The following GPC5 variants were observed in gnomAD, a reference collection of about 807,000 sequenced individuals.
The protein encoded by GPC5 is glypican-5.
Under a neutral mutation model 53.9 loss-of-function variants are expected in GPC5, and 47 were observed. The observed-to-expected ratio is 0.87, with a 90% CI of 0.69 to 1.11. The LOEUF (loss-of-function observed/expected upper bound fraction) is 1.11, where lower values mean the gene tolerates loss of function less well. GPC5 is among the 50% of genes most tolerant of loss of function. The pLI, the probability that GPC5 is intolerant of heterozygous loss-of-function variation, is 0.00. For synonymous variants in GPC5, 286 were observed against 263.3 expected (o/e 1.09, Z -0.84); for missense variants, 748 against 713.1 (o/e 1.05, Z -0.56).
chr13:92,847,537 C>T (rs956795970), intron 7 of GPC5, among the ~76,000 whole-genome samples: 1 of 152,056 alleles, frequency 6.6e-6, no homozygotes, highest in Admixed American at 6.5e-5. Flanking sequence ...AGCCATGTAC[C>T]TACTTCCCCT....
chr13:91,886,811 C>G (rs1354953239), intron 5 of GPC5, among the ~76,000 whole-genome samples: 1 of 152,202 alleles, frequency 6.6e-6, no homozygotes, highest in Admixed American at 6.5e-5. Context: ...TCTTCCACAG[C>G]CTTGGTCAGC....
intron 2 of GPC5, among the ~76,000 whole-genome samples, chr13:91,590,299 G>A (rs762183846): frequency 1.6e-4 from 24 of 151,332 alleles, no homozygotes; most frequent in African/African-American, 3.2e-4. Context: ...TGATTATTAC[G>A]GCTTATTTCA....
intron 5 of GPC5, among the ~76,000 whole-genome samples, chr13:91,810,445 A>G (rs1170714779): frequency 6.6e-6 from 1 of 152,040 alleles, no homozygotes; most frequent in Non-Finnish European, 1.5e-5. Context: ...ATGCAAAGAC[A>G]GTGTTCTTTC....
At chr13:91,733,880 G>C (rs990669418) in intron 4 of GPC5, among the ~76,000 whole-genome samples, 20 of 152,166 alleles carry the variant, frequency 1.3e-4, no homozygotes, top group Non-Finnish European at 2.8e-4. Flanking sequence ...TAAGAGTGTT[G>C]AGAAGGGGCA....
At chr13:92,258,985 G>T (rs746096024) in intron 7 of GPC5, among the ~76,000 whole-genome samples, 1 of 152,110 alleles carries the variant, frequency 6.6e-6, no homozygotes, top group African/African-American at 2.4e-5. Context: ...TAAAATTTAC[G>T]TCTTGTGAGA....
intron 7 of GPC5, among the ~76,000 whole-genome samples, chr13:92,780,465 G>T (rs916813301): frequency 1.3e-5 from 2 of 151,540 alleles, no homozygotes; most frequent in East Asian, 1.9e-4. Flanking sequence ...TCTCATTAAA[G>T]TTCTCTCCCC....
At chr13:92,666,337 G>C (rs138172051) in intron 7 of GPC5, among the ~76,000 whole-genome samples, 191 of 152,186 alleles carry the variant, frequency 1.3e-3, no homozygotes, top group African/African-American at 4.4e-3. Context: ...AACATTTGCT[G>C]AATTCAAGAT....
chr13:92,462,422 G>A lies in GPC5; in HGVS notation c.1561+317433G>A, dbSNP rs553736982. ...TGAGATATGAAAGAAGCATCCAGGT[G>A]AGTCCCACGTTTTGGCTTGAGTGAC... On this transcript the variant is annotated intron_variant, in intron 7 of 7. Transcript: ENST00000377067. Among the ~76,000 whole-genome samples the A allele has an allele frequency of 9.7e-4, 148 of 152,276 alleles. 1 individual carries two copies. The highest frequency in any genetic ancestry group is 1.7e-3 in the Non-Finnish European group (113 of 68,008).
At chr13:92,395,008 T>G (rs1243489802) in intron 7 of GPC5, among the ~76,000 whole-genome samples, 2 of 152,182 alleles carry the variant, frequency 1.3e-5, no homozygotes, top group Non-Finnish European at 2.9e-5. Flanking sequence ...TCAGAGTCTT[T>G]ATAGTTAAAG....
intron 2 of GPC5, among the ~76,000 whole-genome samples, chr13:91,610,021 T>G (rs2033500906): frequency 6.6e-6 from 1 of 152,198 alleles, no homozygotes; most frequent in Admixed American, 6.5e-5. Flanking sequence ...CAACTATTTA[T>G]TTGGTACTTT....
chr13:91,895,018 G>A (rs1194313807), intron 5 of GPC5, among the ~76,000 whole-genome samples: 2 of 149,286 alleles, frequency 1.3e-5, no homozygotes, highest in Non-Finnish European at 3.0e-5. Flanking sequence ...ATGTTTTATC[G>A]AAGCTGGCCT....
intron 7 of GPC5, among the ~76,000 whole-genome samples, chr13:92,813,113 T>A (rs1877353131): frequency 6.6e-6 from 1 of 151,906 alleles, no homozygotes; most frequent in Non-Finnish European, 1.5e-5. Context: ...TTTTAAATAA[T>A]CCTTACCATG....
intron 7 of GPC5, among the ~76,000 whole-genome samples, chr13:92,664,788 T>A (rs34521935): frequency 0.22 from 33,891 of 152,046 alleles, 4,769 homozygotes; most frequent in South Asian, 0.39. Flanking sequence ...CAGATTAAAA[T>A]GCTCACTTCC....
intron 7 of GPC5, among the ~76,000 whole-genome samples, chr13:92,424,494 T>A (rs1166180045): frequency 6.6e-6 from 1 of 152,086 alleles, no homozygotes; most frequent in Non-Finnish European, 1.5e-5. Context: ...ACAAAATGCC[T>A]TTATCTTTTT....
intron 7 of GPC5, among the ~76,000 whole-genome samples, chr13:92,232,026 C>T (rs750964261): frequency 5.9e-5 from 9 of 152,010 alleles, no homozygotes; most frequent in Non-Finnish European, 1.0e-4. Context: ...AGTTGTGGCA[C>T]CTATCTTGTT....
chr13:92,783,574 C>CTTGT (rs1403596436), intron 7 of GPC5, among the ~76,000 whole-genome samples: 3 of 152,122 alleles, frequency 2.0e-5, no homozygotes, highest in African/African-American at 7.2e-5. Context: ...AAATGAGGGT[C>CTTGT]TTGTTAGTTG....
chr13:91,572,528 A>G (rs2031970675), intron 2 of GPC5, among the ~76,000 whole-genome samples: 2 of 152,052 alleles, frequency 1.3e-5, no homozygotes, highest in South Asian at 4.1e-4. Context: ...CCATTGTATC[A>G]CATGGTGAGA....
chr13:92,024,721 A>G (rs987806616), intron 6 of GPC5, among the ~76,000 whole-genome samples: 1 of 152,142 alleles, frequency 6.6e-6, no homozygotes, highest in African/African-American at 2.4e-5. Context: ...ATTTCAAATG[A>G]CCAAACACAT....
chr13:92,131,095 C>A (rs2138961754), intron 6 of GPC5, among the ~76,000 whole-genome samples: 1 of 151,956 alleles, frequency 6.6e-6, no homozygotes, highest in East Asian at 1.9e-4. Context: ...CTAAGAAAAT[C>A]ATTAATTGCT....
Sources: gnomAD v4.1 joint callset for allele counts (sites outside exome capture counted in the v4.1 genomes callset) on GRCh38, gnomAD v4.1.1 for gene constraint, MANE v1.5 for transcripts, NCBI Gene and HGNC (gene_info 2026-07-23, HGNC 2026-07-21) for gene names.